Variants in GLYATL1 observed in about 807,000 individuals in gnomAD.
GLYATL1 encodes glycine N-acyltransferase-like protein 1.
In GLYATL1, 15 loss-of-function variants were observed where a neutral mutation model predicts 20.0. That is an observed-to-expected ratio of 0.75 (90% CI 0.50 to 1.15). The LOEUF (loss-of-function observed/expected upper bound fraction) is 1.15. GLYATL1 is among the 50% of genes most tolerant of loss of function. The pLI, the probability that GLYATL1 is intolerant of heterozygous loss-of-function variation, is 0.00. For synonymous variants in GLYATL1, 151 were observed against 131.5 expected (o/e 1.15, Z -1.01); for missense variants, 380 against 368.5 (o/e 1.03, Z -0.26).
downstream of GLYATL1, among the ~76,000 whole-genome samples, chr11:58,911,176 A>G (rs1168775930): frequency 6.6e-6 from 1 of 152,196 alleles, no homozygotes; most frequent in East Asian, 1.9e-4. Flanking sequence ...TCTATTGCTG[A>G]GTAACATTCC....
upstream of GLYATL1, among the ~76,000 whole-genome samples, chr11:58,937,132 C>T (rs894817317): frequency 6.6e-6 from 1 of 152,170 alleles, no homozygotes; most frequent in Non-Finnish European, 1.5e-5. Flanking sequence ...TGCCACCAGC[C>T]ACCAGTCAGT....
chr11:58,908,583 A>T (rs1590764075), exon 2 of GLYATL1: 2 of 178,388 alleles, frequency 1.1e-5, no homozygotes, highest in Admixed American at 1.1e-4. Flanking sequence ...CACTGGAGAG[A>T]TAGTCTAACC....
At chr11:58,915,515 C>A (rs1364608986) in intron 1 of GLYATL1, among the ~76,000 whole-genome samples, 2 of 152,144 alleles carry the variant, frequency 1.3e-5, no homozygotes, top group Non-Finnish European at 2.9e-5. Context: ...TGGGCCTGGC[C>A]AGCTGCTCTT....
downstream of GLYATL1, among the ~76,000 whole-genome samples, chr11:58,910,921 C>T (rs1855024966): frequency 6.6e-6 from 1 of 152,170 alleles, no homozygotes; most frequent in African/African-American, 2.4e-5. Flanking sequence ...GCAGTTTTAT[C>T]ACCCTTACTA....
At chr11:58,930,866 G>T (rs766843595) in intron 1 of GLYATL1, among the ~76,000 whole-genome samples, 9 of 152,152 alleles carry the variant, frequency 5.9e-5, no homozygotes, top group Non-Finnish European at 1.3e-4. Flanking sequence ...AAATATCTTT[G>T]TATTAGTTTG....
At chr11:58,945,042 TA>T (rs1304848703) in intron 2 of GLYATL1, among the ~76,000 whole-genome samples, 3 of 18,844 alleles carry the variant, frequency 1.6e-4, no homozygotes, top group Non-Finnish European at 4.9e-4. Flanking sequence ...ATATTATATA[TA>T]GGGGTATATA....
exon 1 of GLYATL1, chr11:58,905,583 C>CCCT (rs1474929267): frequency 2.2e-6 from 1 of 456,192 alleles, no homozygotes; most frequent in African/African-American, 2.0e-5. Flanking sequence ...GCCGCGCAAC[C>CCCT]CCTCCTTGGC....
chr11:58,913,025 G>C (rs562057495), downstream of GLYATL1, among the ~76,000 whole-genome samples: 1 of 152,204 alleles, frequency 6.6e-6, no homozygotes, highest in Non-Finnish European at 1.5e-5. Context: ...ACAGAATGGT[G>C]AGTACACAAG....
intron 1 of GLYATL1, chr11:58,907,201 A>G (rs1363358899): frequency 2.2e-6 from 1 of 455,198 alleles, no homozygotes; most frequent in Non-Finnish European, 4.4e-6. Flanking sequence ...ACCTCTTCAT[A>G]TATCCTGAGT....
chr11:58,922,139 T>C (rs1386284400), intron 1 of GLYATL1, among the ~76,000 whole-genome samples: 1 of 152,228 alleles, frequency 6.6e-6, no homozygotes, highest in Non-Finnish European at 1.5e-5. Flanking sequence ...ATTGGCCCTG[T>C]GTATATGCCT....
At chr11:58,945,022 T>A (rs1464555863) in intron 2 of GLYATL1, among the ~76,000 whole-genome samples, 1 of 113,452 alleles carries the variant, frequency 8.8e-6, no homozygotes, top group Non-Finnish European at 1.8e-5. Context: ...TATACATATA[T>A]AAAATATATA....
chr11:58,923,276 A>G (rs1855350153), upstream of GLYATL1, among the ~76,000 whole-genome samples: 1 of 152,206 alleles, frequency 6.6e-6, no homozygotes, highest in African/African-American at 2.4e-5. Flanking sequence ...TTCTCACTCT[A>G]GAGGGAAAAC....
At chr11:58,906,631 G>T (rs1854893674) in intron 1 of GLYATL1, among the ~76,000 whole-genome samples, 1 of 152,178 alleles carries the variant, frequency 6.6e-6, no homozygotes, top group South Asian at 2.1e-4. Flanking sequence ...CTAGCAAGGT[G>T]CATTTCTCCC....
intron 4 of GLYATL1, among the ~76,000 whole-genome samples, chr11:58,951,496 C>T (rs1209513654): frequency 2.4e-5 from 1 of 42,078 alleles, no homozygotes; most frequent in Non-Finnish European, 5.5e-5. Flanking sequence ...AACTTAATAG[C>T]TATATGAACA....
At chr11:58,930,390 T>G (rs538472) in intron 1 of GLYATL1, among the ~76,000 whole-genome samples, 78,773 of 152,026 alleles carry the variant, frequency 0.52, 20,404 homozygotes, top group East Asian at 0.58. Flanking sequence ...TGCAGTGTGA[T>G]AAGAAAAATT....
At chr11:58,905,529 G>C in exon 1 of GLYATL1, 1 of 456,256 alleles carries the variant, frequency 2.2e-6, no homozygotes, top group Non-Finnish European at 4.4e-6. Context: ...TCAAAAGGCG[G>C]AAAAAGCGCG....
chr11:58,924,981 G>A (rs1423743521), upstream of GLYATL1, among the ~76,000 whole-genome samples: 1 of 152,204 alleles, frequency 6.6e-6, no homozygotes, highest in Non-Finnish European at 1.5e-5. Flanking sequence ...ATTTGGCTTA[G>A]CCTTCTGCTT....
At chr11:58,939,048 T>C (rs1252383425), upstream of GLYATL1, among the ~76,000 whole-genome samples, 2 of 152,196 alleles carry the variant, frequency 1.3e-5, no homozygotes, top group Non-Finnish European at 2.9e-5. Context: ...AGAATTTTTT[T>C]TGTATAAACA....
chr11:58,923,616 G>A (rs1442747462), upstream of GLYATL1, among the ~76,000 whole-genome samples: 1 of 152,178 alleles, frequency 6.6e-6, no homozygotes, highest in African/African-American at 2.4e-5. Flanking sequence ...GTTCTAGGAA[G>A]TGAGTGTGAA....
Sources: allele counts gnomAD v4.1 joint callset (sites outside exome capture counted in the v4.1 genomes callset), GRCh38; gene constraint gnomAD v4.1.1; transcripts MANE v1.5; gene names NCBI Gene and HGNC (gene_info 2026-07-23, HGNC 2026-07-21).